STXBP4: variants seen among roughly 807,000 people sequenced by gnomAD.
STXBP4 encodes the protein syntaxin binding protein 4.
In STXBP4, 55 loss-of-function variants were observed where a neutral mutation model predicts 76.1. The ratio of observed to expected loss-of-function variants is 0.72; its 90% CI spans 0.58 to 0.91. STXBP4 has a LOEUF of 0.91. Among genes scored for constraint, STXBP4 ranks in the 40% least tolerant of loss-of-function variants. STXBP4 has a pLI of 0.00. For synonymous variants in STXBP4, 201 were observed against 220.2 expected, an observed-to-expected ratio of 0.91 and a Z score of 0.77; for missense variants, 618 against 636.9, an observed-to-expected ratio of 0.97 and a Z score of 0.32.
intron 12 of STXBP4, among the ~76,000 whole-genome samples, chr17:55,067,532 G>C (rs1229212059): frequency 6.6e-6 from 1 of 152,146 alleles, no homozygotes; most frequent in Non-Finnish European, 1.5e-5. Context: ...TCATGTGAGA[G>C]TTAAGTGGAC....
At chr17:55,182,302 G>T in the STXBP4 span, among the ~76,000 whole-genome samples, 20 of 152,126 alleles carry the variant, frequency 1.3e-4, no homozygotes, top group African/African-American at 4.8e-4. Flanking sequence ...ATACTTTAGA[G>T]CTAAAAGATA....
rs1259449697 is a variant in STXBP4 at position 54,984,611 on chromosome 17, A to G, written c.-156-1003A>G. ...ACCCGCCTCGGCCACCCAAAGTACT[A>G]GGATTACAGGCGTGAACCACCGCAC... On this transcript the variant is annotated intron_variant, in intron 1 of 17. Transcript: ENST00000376352. Among the ~76,000 whole-genome samples the G allele has an allele frequency of 4.6e-5, 7 of 152,044 alleles. No individual in the cohort carries two copies. The South Asian group carries it at 1.5e-3, about 32-fold the overall frequency.
chr17:55,099,944 A>G (rs1265529529), intron 16 of STXBP4, among the ~76,000 whole-genome samples: 4 of 152,150 alleles, frequency 2.6e-5, no homozygotes, highest in Non-Finnish European at 4.4e-5. Flanking sequence ...GGGGAATAAG[A>G]CTACAGACAA....
intron 8 of STXBP4, among the ~76,000 whole-genome samples, chr17:55,015,698 T>TGGGCATAATCGGGGAATATTGGCA (rs2078195166): frequency 6.6e-6 from 1 of 151,806 alleles, no homozygotes. Context: ...CCTTTGTCTA[T>TGGGCATAATCGGGGAATATTGGCA]CTCCTTTTGT....
At chr17:55,174,633 A>C (rs1055729024), downstream of STXBP4, among the ~76,000 whole-genome samples, 3 of 152,128 alleles carry the variant, frequency 2.0e-5, no homozygotes, top group Non-Finnish European at 4.4e-5. Flanking sequence ...TCTAAATTCA[A>C]CTTTTCCATA....
chr17:55,107,844 G>C (rs764565293), intron 16 of STXBP4, among the ~76,000 whole-genome samples: 1 of 152,184 alleles, frequency 6.6e-6, no homozygotes, highest in Non-Finnish European at 1.5e-5. Flanking sequence ...TCCTGTATGA[G>C]GTGTCTGTTG....
At chr17:55,209,214 C>G in the STXBP4 span, among the ~76,000 whole-genome samples, 2 of 152,080 alleles carry the variant, frequency 1.3e-5, no homozygotes, top group Non-Finnish European at 2.9e-5. Context: ...TTTTGACGGA[C>G]AGATAGTGAC....
At chr17:55,099,960 C>T (rs1014981554) in intron 16 of STXBP4, among the ~76,000 whole-genome samples, 9 of 152,054 alleles carry the variant, frequency 5.9e-5, no homozygotes, top group African/African-American at 2.2e-4. Context: ...GACAAAGTTT[C>T]CTGTACAGAA....
intron 7 of STXBP4, among the ~76,000 whole-genome samples, chr17:55,003,758 T>C (rs1295803567): frequency 6.6e-6 from 1 of 152,210 alleles, no homozygotes; most frequent in African/African-American, 2.4e-5. Context: ...AATGATGCTA[T>C]TATACAGAAA....
rs2080397376 is a variant in STXBP4, at chr17:55,169,980, T to C, written c.*10069T>C. ...TATAAGGCTTCCTTAGAATTATTGATTAATTATTTAAGATACAATAAAACC... is the reference window on the plus strand; with the variant it reads ...TATAAGGCTTCCTTAGAATTATTGACTAATTATTTAAGATACAATAAAACC... On this transcript the variant is annotated 3_prime_UTR_variant, in exon 18 of 18. Transcript: ENST00000376352. 6.6e-6 allele frequency: 1 copy of C among 152,210 alleles called. No homozygotes were observed. The highest frequency in any genetic ancestry group is 1.5e-5 in the Non-Finnish European group (1 of 68,034). The allele number at this position is 152,210 out of a possible 1,614,324, so 9.4% of individuals were successfully genotyped here.
chr17:55,134,730 C>A lies in STXBP4; in HGVS notation c.1490-6580C>A, dbSNP rs58260286. Among the ~76,000 whole-genome samples, 1,134 of 152,272 alleles carry A rather than the reference C, an allele frequency of 7.4e-3. 15 individuals are homozygous for A. Among genetic ancestry groups the A allele is most frequent in the African/African-American group, 0.026 (1,061 of 41,562 alleles). ...GCTCTGTCTTTAGGCTGATCTCACA[C>A]TCTCCTGAGGAAAGCTTCAGCAAGT... On this transcript the variant is annotated intron_variant, in intron 16 of 17. Transcript: ENST00000376352.
intron 10 of STXBP4, among the ~76,000 whole-genome samples, chr17:55,035,509 A>AC: frequency 6.6e-6 from 1 of 151,918 alleles, no homozygotes; most frequent in East Asian, 1.9e-4. Flanking sequence ...CGAAATGATC[A>AC]CCCTATCATT....
intron 11 of STXBP4, chr17:55,043,656 G>A (rs957615722): frequency 6.5e-7 from 1 of 1,549,548 alleles, no homozygotes; most frequent in East Asian, 2.4e-5. Flanking sequence ...GCAAGTCGTG[G>A]CAATTTTGGA....
At chr17:55,131,408 C>G (rs559406447) in intron 16 of STXBP4, among the ~76,000 whole-genome samples, 2 of 152,298 alleles carry the variant, frequency 1.3e-5, no homozygotes, top group East Asian at 1.9e-4. Flanking sequence ...TTTATGAAAT[C>G]ACCTTGAGAC....
chr17:55,073,593 T>C (rs2079147159), intron 13 of STXBP4, among the ~76,000 whole-genome samples: 1 of 152,200 alleles, frequency 6.6e-6, no homozygotes, highest in Admixed American at 6.5e-5. Flanking sequence ...CCAGTTTCAA[T>C]AGCAAAATAC....
chr17:55,129,316 T>G (rs2079949139), intron 16 of STXBP4, among the ~76,000 whole-genome samples: 1 of 152,172 alleles, frequency 6.6e-6, no homozygotes, highest in African/African-American at 2.4e-5. Context: ...TCTTTTTCTT[T>G]GATCATTTTC....
chr17:55,159,572 T>A (rs1224437490), intron 17 of STXBP4, among the ~76,000 whole-genome samples: 1 of 152,222 alleles, frequency 6.6e-6, no homozygotes, highest in Non-Finnish European at 1.5e-5. Flanking sequence ...TTAGAGATGC[T>A]GCATTCACCT....
At chr17:54,981,082 A>C (rs1213251128) in intron 1 of STXBP4, among the ~76,000 whole-genome samples, 1 of 152,190 alleles carries the variant, frequency 6.6e-6, no homozygotes, top group African/African-American at 2.4e-5. Context: ...ATAGAAGTTC[A>C]CAAAAGAAGA....
chr17:55,079,210 A>G (rs1024505309), intron 15 of STXBP4, among the ~76,000 whole-genome samples: 2 of 152,176 alleles, frequency 1.3e-5, no homozygotes, highest in African/African-American at 4.8e-5. Context: ...TTTGGAGAAT[A>G]TACCTCGATT....
Sources: gnomAD v4.1 joint callset for allele counts (sites outside exome capture counted in the v4.1 genomes callset) on GRCh38, gnomAD v4.1.1 for gene constraint, MANE v1.5 for transcripts, NCBI Gene and HGNC (gene_info 2026-07-23, HGNC 2026-07-21) for gene names.